RUSC2: variants seen among roughly 807,000 people sequenced by gnomAD.
RUSC2 encodes RUN and SH3 domain containing 2.
A neutral mutation model predicts 122.2 loss-of-function variants in RUSC2; 34 were observed. The observed-to-expected ratio is 0.28, with a 90% CI of 0.21 to 0.37. The LOEUF is 0.37. RUSC2 is among the 10% of genes least tolerant of loss of function. RUSC2 has a pLI of 1.00. For synonymous variants in RUSC2, 784 were observed against 790.0 expected, an observed-to-expected ratio of 0.99 and a Z score of 0.13; for missense variants, 1,747 against 1,952.4, an observed-to-expected ratio of 0.89 and a Z score of 1.98.
chr9:35,511,403 T>C (rs1475473865), intron 1 of RUSC2, among the ~76,000 whole-genome samples: 1 of 152,092 alleles, frequency 6.6e-6, no homozygotes. Context: ...TACTTGAGTA[T>C]GAGTATGGTA....
chr9:35,503,809 C>G (rs1225761635), intron 1 of RUSC2, among the ~76,000 whole-genome samples: 1 of 151,970 alleles, frequency 6.6e-6, no homozygotes, highest in African/African-American at 2.4e-5. Flanking sequence ...GAGTTTCACT[C>G]TGTCATCCAG....
intron 1 of RUSC2, among the ~76,000 whole-genome samples, chr9:35,513,872 T>A (rs1232632888): frequency 7.0e-6 from 1 of 142,448 alleles, no homozygotes. Flanking sequence ...AAATAGTATT[T>A]TTTTGCTTTT....
chr9:35,504,667 G>A (rs1346929130), intron 1 of RUSC2, among the ~76,000 whole-genome samples: 2 of 152,036 alleles, frequency 1.3e-5, no homozygotes, highest in Non-Finnish European at 2.9e-5. Context: ...GTTTCACCAC[G>A]TTGGCCAGAC....
At chr9:35,525,143 C>T (rs190546465) in intron 1 of RUSC2, among the ~76,000 whole-genome samples, 60 of 152,234 alleles carry the variant, frequency 3.9e-4, no homozygotes, top group African/African-American at 1.4e-3. Flanking sequence ...GAGAATTTGA[C>T]ATTCTTTTCT....
intron 1 of RUSC2, among the ~76,000 whole-genome samples, chr9:35,529,887 A>G (rs1821388300): frequency 6.6e-6 from 1 of 152,012 alleles, no homozygotes; most frequent in Non-Finnish European, 1.5e-5. Flanking sequence ...CTCAGAAGAG[A>G]CTGACCTTCT....
rs538201139 is a variant in RUSC2, at chr9:35,544,411, G to A, written c.-92-2019G>A. 7.4e-5 allele frequency among the ~76,000 whole-genome samples: 11 copies of A among 148,984 alleles called. No individual in the cohort carries two copies. The South Asian group carries it at 1.7e-3, about 23-fold the overall frequency. ...CAACCTCTGACTCTCTAGTTCAAGC[G>A]ATTCTCCTGCCTCAGCCTCCCAAGT... On this transcript the variant is annotated intron_variant, in intron 1 of 11. Transcript: ENST00000361226.
intron 1 of RUSC2, among the ~76,000 whole-genome samples, chr9:35,545,411 G>A (rs893025683): frequency 6.6e-6 from 1 of 152,220 alleles, no homozygotes; most frequent in Non-Finnish European, 1.5e-5. Context: ...ACTTGAGCAG[G>A]CCACACTGCC....
At chr9:35,529,869 A>G (rs907897914) in intron 1 of RUSC2, among the ~76,000 whole-genome samples, 2 of 152,158 alleles carry the variant, frequency 1.3e-5, no homozygotes, top group Non-Finnish European at 2.9e-5. Context: ...TTCATCAAAT[A>G]TGCTGTTCTC....
In RUSC2 at chr9:35,558,684, T is replaced by TC; in HGVS notation, c.3341+121dup. 1 of 855,008 alleles carries TC rather than the reference T, an allele frequency of 1.2e-6. No homozygotes were observed. The highest frequency in any genetic ancestry group is 1.9e-5 in the Admixed American group (1 of 52,254). 53.0% of individuals were successfully genotyped at this position (855,008 alleles called of 1,614,324 possible). A position where few individuals can be genotyped will look rare whatever the true frequency, so the allele number is the denominator to read the frequency against. ...AGACAGAAAGGGTGGATCTGGAGGG[T>TC]CCCCTCAGCCCGCTATGGCCTCTCA... is the stretch of plus-strand genomic sequence containing the variant. On this transcript the variant is annotated intron_variant, in intron 8 of 11. Transcript: ENST00000361226. The surrounding 1 kb of genome is among the most constrained non-coding windows in gnomAD (Gnocchi z 4.3).
chr9:35,548,090 C>A lies in RUSC2; in HGVS notation c.1569C>A (p.Arg523=), dbSNP rs1487964395. 1 of 1,613,270 alleles carries A rather than the reference C, an allele frequency of 6.2e-7. No individual in the cohort carries two copies. Among genetic ancestry groups the A allele is most frequent in the Non-Finnish European group, 8.5e-7 (1 of 1,180,038 alleles). The part of the protein sequence containing the change: ...SLERMLSCPV[R]LSEGPAAMAG... ...AACGTATGTTGAGTTGCCCAGTGCG[C>A]TTGAGTGAGGGCCCTGCAGCCATGG... Residue 523 remains arginine, a synonymous_variant, in exon 2 of 12, where the codon CGC becomes CGA. Coordinates refer to ENST00000361226, the MANE Select transcript of RUSC2 (RefSeq NM_014806.5). The surrounding 1 kb of genome is among the most constrained non-coding windows in gnomAD (Gnocchi z 4.5).
Position 35,555,802 on chromosome 9 carries a change from G to A in RUSC2, c.2656+101G>A. On this transcript the variant is annotated intron_variant, in intron 3 of 11. Coordinates refer to ENST00000361226, the MANE Select transcript of RUSC2 (RefSeq NM_014806.5). This position sits in a 1 kb window ranked among gnomAD's most constrained non-coding sequence, Gnocchi z 4.6. ...GCTTACACTCTCACCTGGGGCCAGA[G>A]GTTAGGATGTCTGCATCCCTCCCTC... 2 of 1,478,692 alleles carry A rather than the reference G, an allele frequency of 1.4e-6. No individual in the cohort carries two copies. The highest frequency in any genetic ancestry group is 2.3e-5 in the East Asian group (1 of 43,858). The allele number at this position is 1,478,692 out of a possible 1,614,324, so 91.6% of individuals were successfully genotyped here.
rs1822047245 is a variant in RUSC2, at chr9:35,557,458, C to T, written c.2984-456C>T. Among the ~76,000 whole-genome samples the T allele has an allele frequency of 6.6e-6, 1 of 152,056 alleles. No homozygotes were observed. The highest frequency in any genetic ancestry group is 6.6e-5 in the Admixed American group (1 of 15,264). ...CTGTTCTCTGAAGCAGAACCAAGGG[C>T]TTGAGAGGAGGGGTGTCGATTTCAC... On this transcript the variant is annotated intron_variant, in intron 5 of 11. Coordinates refer to ENST00000361226, the MANE Select transcript of RUSC2 (RefSeq NM_014806.5). The surrounding 1 kb of genome is among the most constrained non-coding windows in gnomAD (Gnocchi z 4.6).
In RUSC2 at chr9:35,555,076, C is replaced by T; in HGVS notation, c.2031C>T (p.Ser677=). The change falls in exon 3 of 12, where the codon AGC becomes AGT. Residue 677 remains serine (S), a synonymous_variant. Coordinates refer to ENST00000361226, the MANE Select transcript of RUSC2 (RefSeq NM_014806.5). The surrounding 1 kb of genome is among the most constrained non-coding windows in gnomAD (Gnocchi z 4.6). ...TTGCTACAGGGGGTGGCACCGAGAGCCGACCAGTCCTTCGCTACAGCAAGG... is the reference window on the plus strand; with the variant it reads ...TTGCTACAGGGGGTGGCACCGAGAGTCGACCAGTCCTTCGCTACAGCAAGG... ...RARADGGGTE[S]RPVLRYSKEQ... is the part of the protein sequence containing the mutation. 6.2e-7 allele frequency: 1 copy of T among 1,612,484 alleles called. No individual in the cohort carries two copies.
intron 1 of RUSC2, among the ~76,000 whole-genome samples, chr9:35,516,022 A>AAAAAAAAAAAG (rs1554724501): frequency 1.8e-4 from 23 of 127,132 alleles, no homozygotes; most frequent in African/African-American, 5.4e-4. Context: ...AAAAAAAAAA[A>AAAAAAAAAAAG]AGAGAAATGC....
chr9:35,519,176 G>C (rs1372852361), intron 1 of RUSC2, among the ~76,000 whole-genome samples: 2 of 152,230 alleles, frequency 1.3e-5, no homozygotes, highest in African/African-American at 2.4e-5. Flanking sequence ...AGAAGCCTGA[G>C]GCCACTCCTG....
intron 2 of RUSC2, among the ~76,000 whole-genome samples, chr9:35,554,284 G>C (rs1821960776): frequency 6.6e-6 from 1 of 152,216 alleles, no homozygotes; most frequent in Admixed American, 6.5e-5. Context: ...GAAAGAACAG[G>C]AGAGGCCCAG....
chr9:35,508,017 ACTCTT>A (rs1345003108), intron 1 of RUSC2: 2 of 152,540 alleles, frequency 1.3e-5, no homozygotes, highest in Non-Finnish European at 2.9e-5. Context: ...ATCCTACTCT[ACTCTT>A]TGCAACAAAT....
chr9:35,511,428 G>A (rs1821008683), intron 1 of RUSC2, among the ~76,000 whole-genome samples: 1 of 152,116 alleles, frequency 6.6e-6, no homozygotes, highest in Admixed American at 6.5e-5. Flanking sequence ...GAGAGGAGCT[G>A]TCGCAAGGAT....
chr9:35,542,820 G>T (rs1334086383), intron 1 of RUSC2, among the ~76,000 whole-genome samples: 1 of 152,168 alleles, frequency 6.6e-6, no homozygotes, highest in Non-Finnish European at 1.5e-5. Flanking sequence ...GATTTAGAGA[G>T]TCAGCTTTCT....
Sources: allele counts gnomAD v4.1 joint callset (sites outside exome capture counted in the v4.1 genomes callset), GRCh38; gene constraint gnomAD v4.1.1; non-coding constraint Gnocchi (gnomAD v3.1); transcripts MANE v1.5; gene names NCBI Gene and HGNC (gene_info 2026-07-23, HGNC 2026-07-21).